Variants in MSR1 observed in about 807,000 individuals in gnomAD.
MSR1 encodes the protein macrophage scavenger receptor types I and II.
In MSR1, 53 loss-of-function variants were observed where a neutral mutation model predicts 47.2. That is an observed-to-expected ratio of 1.12 (90% CI 0.90 to 1.41). The LOEUF (loss-of-function observed/expected upper bound fraction) is 1.41. Among genes scored for constraint, MSR1 ranks in the 40% most tolerant of loss-of-function variants. The pLI, the probability that MSR1 is intolerant of heterozygous loss-of-function variation, is 0.00. For missense variants in MSR1, 786 were observed against 546.9 expected (o/e 1.44, Z -4.36); for synonymous variants, 239 against 185.6 (o/e 1.29, Z -2.34).
chr8:16,121,878 A>G (rs958192199), intron 8 of MSR1, among the ~76,000 whole-genome samples: 4 of 151,970 alleles, frequency 2.6e-5, no homozygotes, highest in Non-Finnish European at 5.9e-5. Context: ...TCATTTTGTT[A>G]GAACGGTAAT....
At chr8:16,120,368 C>A (rs925861220) in intron 9 of MSR1, 50 bp downstream of exon 9, 1 of 1,582,478 alleles carries the variant, frequency 6.3e-7, no homozygotes, top group Non-Finnish European at 8.7e-7. Context: ...CAGAATGAGA[C>A]TCTGTCTGAA....
intron 9 of MSR1, among the ~76,000 whole-genome samples, chr8:16,113,500 T>G (rs936309438): frequency 6.6e-6 from 1 of 152,130 alleles, no homozygotes; most frequent in Non-Finnish European, 1.5e-5. Context: ...TGACATAAAT[T>G]TGTATGACTT....
intron 8 of MSR1, 88 bp downstream of exon 8, chr8:16,143,470 C>T (rs569053083): frequency 2.2e-5 from 27 of 1,205,714 alleles, no homozygotes; most frequent in South Asian, 3.7e-5. Flanking sequence ...GCTGAAGTTG[C>T]GAACATTTGC....
chr8:16,140,996 C>A, intron 8 of MSR1: 2 of 1,613,926 alleles, frequency 1.2e-6, no homozygotes, highest in African/African-American at 1.3e-5. Context: ...CCCAACCCAC[C>A]TGATCTTAAG....
rs60866666 is a variant in MSR1, at chr8:16,120,616, TAAAAAAAA to T, written c.1034-18_1034-11del. 3.3e-3 allele frequency: 3,901 copies of T among 1,196,050 alleles called. 1 individual carries two copies. The highest frequency in any genetic ancestry group is 4.5e-3 in the Middle Eastern group (14 of 3,104). The allele number at this position is 1,196,050 out of a possible 1,614,324, so 74.1% of individuals were successfully genotyped here. ...ACTTTCGTAAATGGAGCTGTAAAGT[TAAAAAAAA>T]AAAAAAAAAAAAAAAAAGGCAAGCA... On this transcript the variant is annotated splice_polypyrimidine_tract_variant and intron_variant, in intron 8 of 9. Transcript: ENST00000262101.
chr8:16,154,120 T>C lies in MSR1; in HGVS notation c.898+944A>G, dbSNP rs1034945310. On this transcript the variant is annotated intron_variant, in intron 6 of 9. Transcript: ENST00000262101. ...TAGGCAGGTATCAAGTTCATGCTTC[T>C]CATTTTCAAAAATTTTTCTGATGTG... Among the ~76,000 whole-genome samples the C allele has an allele frequency of 2.6e-5, 4 of 152,006 alleles. No individual in the cohort carries two copies. The South Asian group carries it at 6.2e-4, about 24-fold the overall frequency.
intron 1 of MSR1, among the ~76,000 whole-genome samples, chr8:16,184,399 C>CA (rs1206564626): frequency 6.6e-6 from 1 of 151,794 alleles, no homozygotes; most frequent in African/African-American, 2.4e-5. Context: ...GGGAAAAAGA[C>CA]AAAAGGAGAA....
intron 2 of MSR1, among the ~76,000 whole-genome samples, chr8:16,176,796 A>C (rs1279616103): frequency 6.6e-6 from 1 of 152,058 alleles, no homozygotes; most frequent in Non-Finnish European, 1.5e-5. Flanking sequence ...CCTCACTGTT[A>C]TCTTTTCTTA....
chr8:16,150,140 G>GTA (rs55913131), intron 7 of MSR1, 91 bp downstream of exon 7: 5,096 of 177,806 alleles, frequency 0.029, 61 homozygotes, highest in Middle Eastern at 0.037. Flanking sequence ...GTGTGTGTGT[G>GTA]TATATATATA....
At chr8:16,167,698 A>G (rs1398276917) in intron 4 of MSR1, among the ~76,000 whole-genome samples, 1 of 152,156 alleles carries the variant, frequency 6.6e-6, no homozygotes, top group African/African-American at 2.4e-5. Flanking sequence ...CTATTTCTAC[A>G]TAAATAGTAT....
At chr8:16,153,087 C>T (rs1800904693) in intron 6 of MSR1, among the ~76,000 whole-genome samples, 1 of 151,892 alleles carries the variant, frequency 6.6e-6, no homozygotes, top group Admixed American at 6.6e-5. Context: ...CTAGGACAAC[C>T]ACTTAGGTTT....
chr8:16,167,897 G>T (rs1432844937), intron 4 of MSR1, among the ~76,000 whole-genome samples: 2 of 152,078 alleles, frequency 1.3e-5, no homozygotes, highest in Admixed American at 1.3e-4. Flanking sequence ...TATTAACAAT[G>T]TAGGAAACAC....
At position 16,125,798 on chromosome 8, in the gene MSR1, C is replaced by T. The variant is rs78868305; in HGVS notation, c.1034-5192G>A. Among the ~76,000 whole-genome samples the T allele has an allele frequency of 4.6e-5, 7 of 151,888 alleles. No homozygotes were observed. The East Asian group carries it at 1.4e-3, about 30-fold the overall frequency. ...AGTTTTTCTTTAGAGATAAGGTGTCCCTGTGTCTCCCAGATTGAAGTGCTG... is the reference window on the plus strand; with the variant it reads ...AGTTTTTCTTTAGAGATAAGGTGTCTCTGTGTCTCCCAGATTGAAGTGCTG... On this transcript the variant is annotated intron_variant, in intron 8 of 9. Coordinates refer to ENST00000262101, the MANE Select transcript of MSR1 (RefSeq NM_138715.3).
intron 8 of MSR1, among the ~76,000 whole-genome samples, chr8:16,128,684 C>A (rs1800184487): frequency 6.6e-6 from 1 of 152,118 alleles, no homozygotes; most frequent in Non-Finnish European, 1.5e-5. Flanking sequence ...TGCATATAAA[C>A]TTAAAAATAC....
In MSR1 at chr8:16,109,728, C is replaced by A; in HGVS notation, c.*357G>T. The A allele has an allele frequency of 4.4e-6, 1 of 227,598 alleles. No individual in the cohort carries two copies. Among genetic ancestry groups the A allele is most frequent in the South Asian group, 6.9e-5 (1 of 14,392 alleles). The allele number at this position is 227,598 out of a possible 1,614,324, so 14.1% of individuals were successfully genotyped here. A position where few individuals can be genotyped will look rare whatever the true frequency, so the allele number is the denominator to read the frequency against. On this transcript the variant is annotated 3_prime_UTR_variant, in exon 10 of 10. Transcript: ENST00000262101. ...AAATAGATTACAAAGACAAGAAGAG[C>A]AAAAAATTGTAATCTCCTGGTGAAC...
intron 8 of MSR1, among the ~76,000 whole-genome samples, chr8:16,126,300 A>AATAATCG (rs1800126892): frequency 6.6e-6 from 1 of 152,190 alleles, no homozygotes; most frequent in Non-Finnish European, 1.5e-5. Flanking sequence ...AGTGGAAAGA[A>AATAATCG]ATAATCGAAC....
chr8:16,180,083 G>A (rs1179798306), intron 1 of MSR1, among the ~76,000 whole-genome samples: 1 of 141,558 alleles, frequency 7.1e-6, no homozygotes, highest in African/African-American at 2.7e-5. Context: ...CATTGTACCC[G>A]GTCTCTCTCT....
chr8:16,160,054 G>C (rs979515399), intron 5 of MSR1, among the ~76,000 whole-genome samples: 1 of 151,272 alleles, frequency 6.6e-6, no homozygotes, highest in Admixed American at 6.6e-5. Context: ...CTAGTTAAGA[G>C]ACACACTGAA....
At chr8:16,140,903 A>G in intron 8 of MSR1, 4 of 1,610,198 alleles carry the variant, frequency 2.5e-6, no homozygotes, top group Non-Finnish European at 3.4e-6. Context: ...AGGAGTCACA[A>G]AAGGATCTTG....
Sources: allele counts gnomAD v4.1 joint callset (sites outside exome capture counted in the v4.1 genomes callset), GRCh38; gene constraint gnomAD v4.1.1; transcripts MANE v1.5; gene names NCBI Gene and HGNC (gene_info 2026-07-23, HGNC 2026-07-21).